The following COQ10A variants were observed in gnomAD, a reference collection of about 807,000 sequenced individuals.
COQ10A encodes coenzyme Q10A.
COQ10A carries 25 observed loss-of-function variants against 26.1 expected under a neutral mutation model. The ratio of observed to expected loss-of-function variants is 0.96; its 90% CI spans 0.70 to 1.34. The LOEUF is 1.34. Ranked by LOEUF, COQ10A falls within the 40% of genes most tolerant of loss-of-function variation. COQ10A has a pLI of 0.00. For synonymous variants in COQ10A, 132 were observed against 124.0 expected, an observed-to-expected ratio of 1.06 and a Z score of -0.43; for missense variants, 312 against 335.4, an observed-to-expected ratio of 0.93 and a Z score of 0.54.
Position 56,267,098 on chromosome 12 carries a change from G to C in COQ10A, c.-21G>C. The C allele has an allele frequency of 1.6e-6, 2 of 1,275,070 alleles. No homozygotes were observed. The highest frequency in any genetic ancestry group is 2.0e-6 in the Non-Finnish European group (2 of 1,014,516). The allele number at this position is 1,275,070 out of a possible 1,614,324, so 79.0% of individuals were successfully genotyped here. The stretch of plus-strand genomic sequence containing the variant: ...GGCGCAGCCCGCGTCAGAACTTAGA[G>C]GGCCAGGCAGGGTCGCGCGCATGGC... On this transcript the variant is annotated 5_prime_UTR_variant, in exon 1 of 5. Transcript: ENST00000308197.
At chr12:56,269,975 C>T (rs1229014834) in intron 4 of COQ10A, 175 bp from the exon 5 acceptor site, 2 of 657,522 alleles carry the variant, frequency 3.0e-6, no homozygotes, top group Admixed American at 2.7e-5. Context: ...GTCAGTTAGT[C>T]TGAGCTTGTG....
Position 56,267,923 on chromosome 12 carries a change from G to A in COQ10A, c.264G>A (p.Ser88=). 6.2e-7 allele frequency: 1 copy of A among 1,614,086 alleles called. No individual in the cohort carries two copies. Among genetic ancestry groups the A allele is most frequent in the Non-Finnish European group, 8.5e-7 (1 of 1,180,012 alleles). ...APFTNKRKAY[S]ERRIMGYSMQ... ...TCACCAACAAGCGAAAGGCTTACTC[G>A]GAGCGTAGAATCATGGGGTAAGCAT... is the stretch of plus-strand genomic sequence containing the variant. Residue 88 remains serine (S), a synonymous_variant, in exon 2 of 5, where the codon TCG becomes TCA. Coordinates refer to ENST00000308197, the MANE Select transcript of COQ10A (RefSeq NM_144576.4).
chr12:56,267,962 T>G, intron 2 of COQ10A, 22 bp downstream of exon 2: 1 of 1,612,608 alleles, frequency 6.2e-7, no homozygotes, highest in Non-Finnish European at 8.5e-7. Flanking sequence ...CTGCCTTGCA[T>G]CCTTGCACCT....
chr12:56,267,341 C>T, intron 1 of COQ10A, 89 bp downstream of exon 1: 1 of 1,613,308 alleles, frequency 6.2e-7, no homozygotes, highest in Non-Finnish European at 8.5e-7. Context: ...GGGATGCAGG[C>T]GCGGCGGGGA....
Position 56,267,227 on chromosome 12 carries a change from C to T in COQ10A, c.109C>T (p.Pro37Ser). The change falls in exon 1 of 5, where the codon CCT becomes TCT. Residue 37 changes from proline to serine, a missense_variant. By Grantham distance (74) the Pro-to-Ser change is moderately conservative. Coordinates refer to ENST00000308197, the MANE Select transcript of COQ10A (RefSeq NM_144576.4). The stretch of plus-strand genomic sequence containing the variant: ...CGCGCAACCGGCCCCGCCCCCAGGC[C>T]CTCTGCCACCGCCGCGACCAATGAG... ...PGAQPAPPPGPLPPPRPMRFL... is the reference protein window; with the variant it reads ...PGAQPAPPPGSLPPPRPMRFL... 1 of 1,482,622 alleles carries T rather than the reference C, an allele frequency of 6.7e-7. No homozygotes were observed. The highest frequency in any genetic ancestry group is 8.9e-7 in the Non-Finnish European group (1 of 1,118,882). 91.8% of individuals were successfully genotyped at this position (1,482,622 alleles called of 1,614,324 possible). A position where few individuals can be genotyped will look rare whatever the true frequency, so the allele number is the denominator to read the frequency against.
chr12:56,270,000 C>CGTGCTCA lies in COQ10A; in HGVS notation c.577-147_577-141dup, dbSNP rs1295600231. ...CTGAGCTTGTGTCAGACTCGTACTC[C>CGTGCTCA]GTGCTCAGTCCCAAGTTAGGGCTCT... is the stretch of plus-strand genomic sequence containing the variant. On this transcript the variant is annotated intron_variant, in intron 4 of 4. Coordinates refer to ENST00000308197, the MANE Select transcript of COQ10A (RefSeq NM_144576.4). 1.5e-4 allele frequency: 111 copies of CGTGCTCA among 721,516 alleles called. No homozygotes were observed. In the East Asian group the frequency reaches 2.7e-3, roughly 18 times the overall value. 44.7% of individuals were successfully genotyped at this position (721,516 alleles called of 1,614,324 possible).
chr12:56,267,002 C>A lies in COQ10A; in HGVS notation c.-117C>A, dbSNP rs1296407014. 8 of 1,069,120 alleles carry A rather than the reference C, an allele frequency of 7.5e-6. No individual in the cohort carries two copies. Among genetic ancestry groups the A allele is most frequent in the East Asian group, 3.8e-5 (1 of 26,556 alleles). The allele number at this position is 1,069,120 out of a possible 1,614,324, so 66.2% of individuals were successfully genotyped here. ...GGCGAGAGGTGCTGCCGCCTCCCGT[C>A]GCCCCTGCGCTCAGAGGTCCCGAAC... On this transcript the variant is annotated 5_prime_UTR_variant, in exon 1 of 5. Coordinates refer to ENST00000308197, the MANE Select transcript of COQ10A (RefSeq NM_144576.4).
intron 2 of COQ10A, chr12:56,268,537 A>G (rs1157571034): frequency 1.3e-5 from 2 of 158,798 alleles, no homozygotes; most frequent in African/African-American, 4.8e-5. Flanking sequence ...AATAATTTTT[A>G]TGGGTACCTA....
chr12:56,270,283 G>A lies in COQ10A; in HGVS notation c.710G>A (p.Arg237His), dbSNP rs148374703. Reference protein sequence around the residue: ...TKFGPETAIPRELMFHEVHQT With the variant: ...TKFGPETAIPHELMFHEVHQT ...TTTGGTCCAGAAACAGCCATCCCCC[G>A]TGAACTGATGTTCCATGAGGTGCAC... Residue 237 changes from arginine to histidine, a missense_variant, in exon 5 of 5, where the codon CGT becomes CAT. Transcript: ENST00000308197. 2.0e-5 allele frequency: 32 copies of A among 1,614,096 alleles called. No individual in the cohort carries two copies. The highest frequency in any genetic ancestry group is 1.1e-4 in the East Asian group (5 of 44,884).
rs765750862 is a variant in COQ10A, at chr12:56,267,816, C to T, written c.157C>T (p.Leu53Phe). The stretch of plus-strand genomic sequence containing the variant: ...TAGGTTTCTGACCTCCTGCAGCCTC[C>T]TCTTGCCTCGGGCTGCCCAGATCTT... ...PMRFLTSCSLLLPRAAQILAA... is the reference protein window; with the variant it reads ...PMRFLTSCSLFLPRAAQILAA... Residue 53 changes from leucine (L) to phenylalanine (F), a missense_variant, in exon 2 of 5, where the codon CTC (leucine) becomes TTC (phenylalanine). Transcript: ENST00000308197. 16 of 1,614,094 alleles carry T rather than the reference C, an allele frequency of 9.9e-6. No homozygotes were observed. In the Admixed American group the frequency reaches 2.3e-4, roughly 24 times the overall value.
intron 2 of COQ10A, chr12:56,268,155 T>A: frequency 1.6e-6 from 1 of 632,702 alleles, no homozygotes; most frequent in Non-Finnish European, 2.7e-6. Context: ...GAAATGAGAC[T>A]AGGGTTGGAC....
chr12:56,270,527 A>C lies in COQ10A; in HGVS notation c.*210A>C. On this transcript the variant is annotated 3_prime_UTR_variant, in exon 5 of 5. Coordinates refer to ENST00000308197, the MANE Select transcript of COQ10A (RefSeq NM_144576.4). ...ATGTGGAAATGAGATGTGCTTAGGA[A>C]AGGGTCAGGCCCATCGTAGGAGCAC... 1 of 578,428 alleles carries C rather than the reference A, an allele frequency of 1.7e-6. No individual in the cohort carries two copies. 35.8% of individuals were successfully genotyped at this position (578,428 alleles called of 1,614,324 possible). A position where few individuals can be genotyped will look rare whatever the true frequency, so the allele number is the denominator to read the frequency against.
intron 4 of COQ10A, 22 bp from the exon 5 acceptor site, chr12:56,270,128 A>T: frequency 6.2e-7 from 1 of 1,607,100 alleles, no homozygotes. Flanking sequence ...GAAGTTTCTG[A>T]CTGTCTCTTA....
chr12:56,270,256 A>C lies in COQ10A; in HGVS notation c.683A>C (p.Lys228Thr), dbSNP rs200295521. The C allele has an allele frequency of 6.2e-7, 1 of 1,614,134 alleles. No individual in the cohort carries two copies. Among genetic ancestry groups the C allele is most frequent in the Non-Finnish European group, 8.5e-7 (1 of 1,180,008 alleles). Residue 228 changes from lysine to threonine, a missense_variant, in exon 5 of 5, where the codon AAG becomes ACG. By Grantham distance (78) the Lys-to-Thr change is moderately conservative. Coordinates refer to ENST00000308197, the MANE Select transcript of COQ10A (RefSeq NM_144576.4). ...GCCTTTGAGCGTCGGGCAGCCACCAAGTTTGGTCCAGAAACAGCCATCCCC... is the reference window on the plus strand; with the variant it reads ...GCCTTTGAGCGTCGGGCAGCCACCACGTTTGGTCCAGAAACAGCCATCCCC... ...VAAFERRAATKFGPETAIPRE... is the reference protein window; with the variant it reads ...VAAFERRAATTFGPETAIPRE...
At chr12:56,269,348 A>T (rs1472768235) in intron 3 of COQ10A, 97 bp downstream of exon 3, 5 of 1,462,428 alleles carry the variant, frequency 3.4e-6, no homozygotes, top group Non-Finnish European at 3.8e-6. Context: ...CTTTATGTCC[A>T]TGTGTCAAGT....
chr12:56,267,200 G>C lies in COQ10A; in HGVS notation c.82G>C (p.Gly28Arg). The change falls in exon 1 of 5, where the codon GGC (glycine) becomes CGC (arginine). Residue 28 changes from glycine (G) to arginine (R), a missense_variant. Transcript: ENST00000308197. ...CTGCTGCCGGCTCTCGCTCAGCCCGGGCGCGCAACCGGCCCCGCCCCCAGG... is the reference window on the plus strand; with the variant it reads ...CTGCTGCCGGCTCTCGCTCAGCCCGCGCGCGCAACCGGCCCCGCCCCCAGG... ...ERCCRLSLSPGAQPAPPPGPL... is the reference protein window; with the variant it reads ...ERCCRLSLSPRAQPAPPPGPL... The C allele has an allele frequency of 1.4e-6, 2 of 1,410,642 alleles. No homozygotes were observed. Among genetic ancestry groups the C allele is most frequent in the East Asian group, 2.9e-5 (1 of 34,746 alleles). The allele number at this position is 1,410,642 out of a possible 1,614,324, so 87.4% of individuals were successfully genotyped here. A position where few individuals can be genotyped will look rare whatever the true frequency, so the allele number is the denominator to read the frequency against.
At position 56,269,051 on chromosome 12, in the gene COQ10A, T is replaced by C. The variant is rs776396421; in HGVS notation, c.282-8T>C. ...CAGCTCCTTGGCCTGTGATTCTTCT[T>C]CTCCTAGGTACTCAATGCAGGAGAT... On this transcript the variant is annotated splice_polypyrimidine_tract_variant and splice_region_variant and intron_variant, in intron 2 of 4. Coordinates refer to ENST00000308197, the MANE Select transcript of COQ10A (RefSeq NM_144576.4). 2.8e-5 allele frequency: 45 copies of C among 1,610,938 alleles called. No individual in the cohort carries two copies. Among genetic ancestry groups the C allele is most frequent in the Non-Finnish European group, 3.7e-5 (44 of 1,177,922 alleles).
At position 56,269,514 on chromosome 12, in the gene COQ10A, A is replaced by G. The variant is rs934948394; in HGVS notation, c.529A>G (p.Ser177Gly). 2 of 1,614,222 alleles carry G rather than the reference A, an allele frequency of 1.2e-6. No homozygotes were observed. The change falls in exon 4 of 5, where the codon AGC becomes GGC. Residue 177 changes from serine (S) to glycine (G), a missense_variant. Ser to Gly is a moderately conservative substitution (Grantham distance 56, BLOSUM62 0). Coordinates refer to ENST00000308197, the MANE Select transcript of COQ10A (RefSeq NM_144576.4). ...FNHLETIWRFSPGIPAYPRTC... is the reference protein window; with the variant it reads ...FNHLETIWRFGPGIPAYPRTC... ...CCACTTAGAGACTATTTGGCGATTC[A>G]GCCCTGGTATTCCTGCCTATCCTCG...
chr12:56,267,963 C>T, intron 2 of COQ10A, 23 bp downstream of exon 2: 3 of 1,612,492 alleles, frequency 1.9e-6, no homozygotes, highest in South Asian at 1.1e-5. Context: ...TGCCTTGCAT[C>T]CTTGCACCTC....
Sources: gnomAD v4.1 joint callset for allele counts on GRCh38, gnomAD v4.1.1 for gene constraint, MANE v1.5 for transcripts, NCBI Gene and HGNC (gene_info 2026-07-23, HGNC 2026-07-21) for gene names.